Variants in NTRK3 observed in about 807,000 individuals in gnomAD.
NTRK3 encodes neurotrophic receptor tyrosine kinase 3.
In NTRK3, 24 loss-of-function variants were observed where a neutral mutation model predicts 91.7. The observed-to-expected ratio is 0.26, with a 90% confidence interval of 0.19 to 0.37. The LOEUF is 0.37. Ranked by LOEUF, NTRK3 falls within the 10% of genes least tolerant of loss-of-function variation. The pLI is 1.00. For synonymous variants in NTRK3, 483 were observed against 404.0 expected, an observed-to-expected ratio of 1.20 and a Z score of -2.34; for missense variants, 880 against 1,068.9, an observed-to-expected ratio of 0.82 and a Z score of 2.46.
At chr15:88,249,766 C>T (rs2053177669) in intron 3 of NTRK3, among the ~76,000 whole-genome samples, 1 of 152,112 alleles carries the variant, frequency 6.6e-6, no homozygotes, top group African/African-American at 2.4e-5. Context: ...CACCGGGCCA[C>T]CAGGAGGATT....
At chr15:88,023,811 G>A (rs1310011007) in intron 14 of NTRK3, among the ~76,000 whole-genome samples, 2 of 152,126 alleles carry the variant, frequency 1.3e-5, no homozygotes, top group African/African-American at 2.4e-5. Flanking sequence ...AGTCCATCCC[G>A]GACTTCTTCT....
At chr15:88,189,223 T>A (rs780455006) in intron 3 of NTRK3, among the ~76,000 whole-genome samples, 33 of 152,064 alleles carry the variant, frequency 2.2e-4, no homozygotes, top group Admixed American at 6.6e-5. Context: ...TCTTTGGCAA[T>A]TCTAAAAAAT....
intron 17 of NTRK3, among the ~76,000 whole-genome samples, chr15:87,895,054 A>C (rs1237436662): frequency 6.6e-6 from 1 of 152,274 alleles, no homozygotes; most frequent in African/African-American, 2.4e-5. Context: ...CAGCTCCTCA[A>C]ATCCAAGTTT....
intron 3 of NTRK3, among the ~76,000 whole-genome samples, chr15:88,244,355 A>G (rs2052636581): frequency 6.6e-6 from 1 of 152,248 alleles, no homozygotes; most frequent in East Asian, 1.9e-4. Flanking sequence ...TTGCAGGGGA[A>G]GAAAATGAGG....
At chr15:87,953,238 A>G (rs1016907547) in intron 14 of NTRK3, among the ~76,000 whole-genome samples, 1 of 152,320 alleles carries the variant, frequency 6.6e-6, no homozygotes, top group African/African-American at 2.4e-5. Context: ...AAGCGCCCCT[A>G]TCTGACCCCT....
chr15:88,079,418 G>C (rs952914426), intron 13 of NTRK3, among the ~76,000 whole-genome samples: 1 of 152,140 alleles, frequency 6.6e-6, no homozygotes, highest in African/African-American at 2.4e-5. Flanking sequence ...AGAAGTTTAG[G>C]AGGCAGACAA....
At chr15:88,202,696 C>T (rs1332398982) in intron 3 of NTRK3, among the ~76,000 whole-genome samples, 1 of 152,236 alleles carries the variant, frequency 6.6e-6, no homozygotes, top group Non-Finnish European at 1.5e-5. Flanking sequence ...ACCTGTGCAG[C>T]TGCACAGAGT....
chr15:87,868,474 T>C (rs570013365), exon 19 of NTRK3: 73 of 219,252 alleles, frequency 3.3e-4, no homozygotes, highest in African/African-American at 1.5e-3. Context: ...GAAAAACAAT[T>C]TCAAAGGGAA....
At chr15:88,176,643 C>T (rs533287414) in intron 5 of NTRK3, among the ~76,000 whole-genome samples, 4 of 152,298 alleles carry the variant, frequency 2.6e-5, no homozygotes, top group African/African-American at 9.6e-5. Context: ...TCAAGATATC[C>T]TTCTTGTCAT....
intron 3 of NTRK3, among the ~76,000 whole-genome samples, chr15:88,207,148 T>G (rs1202384346): frequency 1.3e-5 from 2 of 152,130 alleles, no homozygotes; most frequent in Non-Finnish European, 2.9e-5. Context: ...AGGAGCTCAA[T>G]GGTATTTGTC....
intron 14 of NTRK3, among the ~76,000 whole-genome samples, chr15:87,962,801 C>T (rs2141213044): frequency 6.6e-6 from 1 of 152,332 alleles, no homozygotes; most frequent in African/African-American, 2.4e-5. Context: ...CCTCCCAACC[C>T]TCACTCTGAC....
chr15:87,908,540 CG>C (rs1021078487), intron 17 of NTRK3: 2 of 399,252 alleles, frequency 5.0e-6, no homozygotes, highest in African/African-American at 4.1e-5. Context: ...CCACACTGAA[CG>C]GGCCCTTCTG....
intron 13 of NTRK3, among the ~76,000 whole-genome samples, chr15:88,034,743 T>C (rs1420053746): frequency 6.6e-6 from 1 of 152,190 alleles, no homozygotes; most frequent in Non-Finnish European, 1.5e-5. Context: ...TGAATTCCAC[T>C]CCATCAGCAC....
intron 13 of NTRK3, among the ~76,000 whole-genome samples, chr15:88,046,991 G>A (rs1483531186): frequency 2.0e-5 from 3 of 152,070 alleles, no homozygotes; most frequent in Non-Finnish European, 2.9e-5. Flanking sequence ...TCCTGTCTAC[G>A]TGCCTGCCCT....
Position 87,870,902 on chromosome 15 carries a change from A to T in NTRK3, c.*6033T>A, listed in dbSNP as rs142238146. 3.9e-3 allele frequency: 898 copies of T among 229,168 alleles called. 5 individuals carry two copies. The highest frequency in any genetic ancestry group is 6.4e-3 in the Non-Finnish European group (740 of 115,536). 14.2% of individuals were successfully genotyped at this position (229,168 alleles called of 1,614,324 possible). On this transcript the variant is annotated 3_prime_UTR_variant, in exon 19 of 19. Coordinates refer to ENST00000394480, the Ensembl canonical transcript of NTRK3. Reference sequence around the variant, plus strand: ...GCAAGCTATGAATGTGGGTCACGACACTGAACAAAAAGCAATATTTGCCTG... The same window carrying T: ...GCAAGCTATGAATGTGGGTCACGACTCTGAACAAAAAGCAATATTTGCCTG...
intron 5 of NTRK3, among the ~76,000 whole-genome samples, chr15:88,176,377 CACCT>C (rs1302029352): frequency 1.3e-5 from 2 of 152,234 alleles, no homozygotes; most frequent in Non-Finnish European, 2.9e-5. Context: ...CCTCATCATC[CACCT>C]GTCTCGGCCT....
intron 16 of NTRK3, 146 bp from the exon 17 acceptor site, chr15:87,929,580 G>T: frequency 9.4e-7 from 1 of 1,063,726 alleles, no homozygotes; most frequent in African/African-American, 1.6e-5. Context: ...ATTTTTATCT[G>T]CCCCAAATTA....
intron 17 of NTRK3, among the ~76,000 whole-genome samples, chr15:87,903,427 TG>T: frequency 6.6e-6 from 1 of 152,156 alleles, no homozygotes; most frequent in South Asian, 2.1e-4. Flanking sequence ...TCATCTTCCC[TG>T]TAGCTCCTAC....
At chr15:88,168,593 T>A (rs1188687837) in intron 5 of NTRK3, among the ~76,000 whole-genome samples, 1 of 152,226 alleles carries the variant, frequency 6.6e-6, no homozygotes, top group Non-Finnish European at 1.5e-5. Context: ...CAGCGAAGGT[T>A]TCTGAGCTGC....
Sources: allele counts gnomAD v4.1 joint callset (sites outside exome capture counted in the v4.1 genomes callset), GRCh38; gene constraint gnomAD v4.1.1; transcripts MANE v1.5; gene names NCBI Gene and HGNC (gene_info 2026-07-23, HGNC 2026-07-21).